The following NCAM1 variants were observed in gnomAD, a reference collection of about 807,000 sequenced individuals.
The protein encoded by NCAM1 is antigen recognized by monoclonal antibody 5.1H11.
Under a neutral mutation model 109.8 loss-of-function variants are expected in NCAM1, and 14 were observed. That is an observed-to-expected ratio of 0.13 (90% CI 0.08 to 0.20). The LOEUF (loss-of-function observed/expected upper bound fraction) is 0.20, where lower values mean the gene tolerates loss of function less well. NCAM1 is among the 10% of genes least tolerant of loss of function. The pLI is 1.00. For synonymous variants in NCAM1, 418 were observed against 442.9 expected (o/e 0.94, Z 0.70); for missense variants, 774 against 1,109.9 (o/e 0.70, Z 4.30).
chr11:113,215,642 C>G (rs1420426545), intron 8 of NCAM1, among the ~76,000 whole-genome samples: 4 of 152,178 alleles, frequency 2.6e-5, no homozygotes. Flanking sequence ...ATTGCTCTTC[C>G]AAATAACCTA....
At chr11:113,206,615 A>T (rs1310624196) in intron 5 of NCAM1, among the ~76,000 whole-genome samples, 10 of 152,206 alleles carry the variant, frequency 6.6e-5, no homozygotes, top group Non-Finnish European at 1.3e-4. Context: ...AAATAAACAC[A>T]CCCATGGAAT....
At chr11:113,134,713 C>T (rs1555099059) in intron 1 of NCAM1, among the ~76,000 whole-genome samples, 1 of 152,150 alleles carries the variant, frequency 6.6e-6, no homozygotes, top group East Asian at 1.9e-4. Flanking sequence ...GTTCCCCCTG[C>T]AGTCCCCATC....
rs539414363 is a variant in NCAM1 at position 113,052,719 on chromosome 11, C to G, written c.52+91055C>G. ...ATTTTTATTTTTAAGTTCCAGGGTA[C>G]ATGTGCAGGATGTGCAGGTTTATTA... On this transcript the variant is annotated intron_variant, in intron 1 of 19. Coordinates refer to ENST00000316851, the MANE Select transcript of NCAM1 (RefSeq NM_181351.5). 7.4e-4 allele frequency among the ~76,000 whole-genome samples: 112 copies of G among 152,312 alleles called. 1 individual carries two copies. The highest frequency in any genetic ancestry group is 1.4e-3 in the Non-Finnish European group (98 of 68,032).
At chr11:113,152,864 G>T (rs1028571114) in intron 1 of NCAM1, among the ~76,000 whole-genome samples, 1 of 152,036 alleles carries the variant, frequency 6.6e-6, no homozygotes, top group Non-Finnish European at 1.5e-5. Context: ...TATCTCATTG[G>T]CTGGGATAGC....
rs11821490 is a variant in NCAM1, at chr11:113,252,762, A to G, written c.1829-3115A>G. Among the ~76,000 whole-genome samples the G allele has an allele frequency of 9.5e-3, 1,315 of 138,246 alleles. 17 individuals are homozygous for G. The highest frequency in any genetic ancestry group is 0.033 in the African/African-American group (1,242 of 37,772). The allele number at this position is 138,246 out of a possible 152,430, so 90.7% of individuals were successfully genotyped here. On this transcript the variant is annotated intron_variant, in intron 15 of 19. Transcript: ENST00000316851. ...GTGGTTCTCGTGCCTCAGCCTCTTC[A>G]GTAGCTGGGATTACAGGCACATGCC...
intron 1 of NCAM1, among the ~76,000 whole-genome samples, chr11:113,001,680 A>T (rs1359653527): frequency 1.3e-5 from 2 of 152,140 alleles, no homozygotes; most frequent in African/African-American, 2.4e-5. Flanking sequence ...TTGCCATTGT[A>T]GGCCGAAGGC....
At chr11:113,081,468 G>A (rs782498239) in intron 1 of NCAM1, among the ~76,000 whole-genome samples, 25 of 152,244 alleles carry the variant, frequency 1.6e-4, no homozygotes, top group Non-Finnish European at 2.5e-4. Flanking sequence ...AGGATGCTAC[G>A]TACAAGGCCA....
At chr11:113,224,206 C>T (rs1291725029) in intron 9 of NCAM1, among the ~76,000 whole-genome samples, 3 of 152,196 alleles carry the variant, frequency 2.0e-5, no homozygotes, top group Non-Finnish European at 4.4e-5. Context: ...TGACAGACAG[C>T]ATCTGAAAAA....
chr11:113,089,928 A>C (rs1406401011), intron 1 of NCAM1, among the ~76,000 whole-genome samples: 1 of 152,236 alleles, frequency 6.6e-6, no homozygotes, highest in Non-Finnish European at 1.5e-5. Context: ...CTTGTCTATA[A>C]GATTCTATTC....
chr11:113,005,249 A>G (rs1951864161), intron 1 of NCAM1, among the ~76,000 whole-genome samples: 2 of 152,112 alleles, frequency 1.3e-5, no homozygotes, highest in Admixed American at 6.5e-5. Context: ...GCTTTCCCCA[A>G]ATTTCTGGTG....
intron 1 of NCAM1, among the ~76,000 whole-genome samples, chr11:112,992,386 T>C (rs35401678): frequency 0.14 from 20,971 of 152,136 alleles, 1,789 homozygotes; most frequent in South Asian, 0.4. Flanking sequence ...TTAAACTTAA[T>C]ATGTCTAATT....
intron 1 of NCAM1, among the ~76,000 whole-genome samples, chr11:113,139,128 G>A (rs1941719497): frequency 6.6e-6 from 1 of 152,188 alleles, no homozygotes; most frequent in Non-Finnish European, 1.5e-5. Context: ...TTGCTTGCTT[G>A]CAATGTTGCT....
chr11:112,979,827 C>A (rs954074132), intron 1 of NCAM1, among the ~76,000 whole-genome samples: 1 of 151,738 alleles, frequency 6.6e-6, no homozygotes, highest in Non-Finnish European at 1.5e-5. Flanking sequence ...TAAATTTGAA[C>A]CTTTTTATAA....
intron 1 of NCAM1, among the ~76,000 whole-genome samples, chr11:113,174,303 C>G (rs928265205): frequency 6.6e-6 from 1 of 152,212 alleles, no homozygotes; most frequent in Non-Finnish European, 1.5e-5. Flanking sequence ...TGACATTTCT[C>G]TTTCAGAGAT....
At chr11:113,097,464 A>G (rs899185543) in intron 1 of NCAM1, among the ~76,000 whole-genome samples, 6 of 152,204 alleles carry the variant, frequency 3.9e-5, no homozygotes, top group Non-Finnish European at 5.9e-5. Context: ...CTCATCTAAC[A>G]TAGAGAGCTA....
intron 1 of NCAM1, among the ~76,000 whole-genome samples, chr11:113,183,297 C>A (rs1231553105): frequency 2.6e-5 from 4 of 152,206 alleles, no homozygotes; most frequent in Admixed American, 2.0e-4. Flanking sequence ...ATCCGGATGC[C>A]CTGCCACGTG....
At chr11:113,132,462 G>T (rs781909107) in intron 1 of NCAM1, among the ~76,000 whole-genome samples, 15 of 121,732 alleles carry the variant, frequency 1.2e-4, no homozygotes, top group Non-Finnish European at 2.8e-4. Context: ...GGGAGAGGGG[G>T]CTTTACCTTC....
intron 1 of NCAM1, among the ~76,000 whole-genome samples, chr11:113,088,767 C>T (rs1256082621): frequency 2.0e-5 from 3 of 152,108 alleles, no homozygotes; most frequent in African/African-American, 7.2e-5. Context: ...TCATTAGCAT[C>T]TCTATATATT....
intron 1 of NCAM1, among the ~76,000 whole-genome samples, chr11:112,972,834 C>G (rs1199924957): frequency 2.6e-5 from 4 of 151,940 alleles, no homozygotes; most frequent in Admixed American, 2.0e-4. Flanking sequence ...AGCTGATGTC[C>G]AGGACACTTG....
Sources: gnomAD v4.1 joint callset for allele counts (sites outside exome capture counted in the v4.1 genomes callset) on GRCh38, gnomAD v4.1.1 for gene constraint, MANE v1.5 for transcripts, NCBI Gene and HGNC (gene_info 2026-07-23, HGNC 2026-07-21) for gene names.